Variants in KLHL1 observed in about 807,000 individuals in gnomAD.
The protein encoded by KLHL1 is kelch-like protein 1.
In KLHL1, 47 loss-of-function variants were observed where a neutral mutation model predicts 77.7. The observed-to-expected ratio is 0.60, with a 90% CI of 0.48 to 0.77. The LOEUF is 0.77. Among genes scored for constraint, KLHL1 ranks in the 30% least tolerant of loss-of-function variants. KLHL1 has a pLI of 0.00. For synonymous variants in KLHL1, 360 were observed against 325.2 expected (o/e 1.11, Z -1.15); for missense variants, 925 against 910.8 (o/e 1.02, Z -0.20).
chr13:70,005,583 C>A (rs1316683917), intron 1 of KLHL1, among the ~76,000 whole-genome samples: 1 of 151,002 alleles, frequency 6.6e-6, no homozygotes, highest in Non-Finnish European at 1.5e-5. Flanking sequence ...GATTAGAAAT[C>A]CTTATTTTAG....
chr13:69,853,786 TTTTTG>T (rs1240306699), intron 5 of KLHL1, among the ~76,000 whole-genome samples: 1 of 152,010 alleles, frequency 6.6e-6, no homozygotes, highest in Non-Finnish European at 1.5e-5. Flanking sequence ...AGGTATGTTG[TTTTTG>T]TTTTGTTTCA....
chr13:70,020,144 G>C (rs919335088), intron 1 of KLHL1, among the ~76,000 whole-genome samples: 4 of 152,018 alleles, frequency 2.6e-5, no homozygotes, highest in Non-Finnish European at 4.4e-5. Flanking sequence ...CAGGTTTTCT[G>C]TTATAGCAGC....
intron 4 of KLHL1, among the ~76,000 whole-genome samples, chr13:69,919,036 T>C (rs1199547512): frequency 6.6e-6 from 1 of 152,186 alleles, no homozygotes; most frequent in Non-Finnish European, 1.5e-5. Flanking sequence ...GTCCTGGTTG[T>C]ATGTATCTGA....
chr13:69,719,498 A>G lies in KLHL1; in HGVS notation c.1886T>C (p.Met629Thr), dbSNP rs1872944919. ...YYDPHTNKWN[M>T]CAPMCKRRGG... ...TCTCCTCTTACACATGGGAGCACAC[A>G]TGTTCCACTTATTTGTATGAGGATC... Residue 629 changes from methionine (M) to threonine (T), a missense_variant, in exon 9 of 11, where the codon ATG becomes ACG. Met to Thr is a moderately conservative substitution (Grantham distance 81, BLOSUM62 -1). Transcript: ENST00000377844. 1.2e-6 allele frequency: 2 copies of G among 1,613,458 alleles called. No homozygotes were observed. The highest frequency in any genetic ancestry group is 2.2e-5 in the East Asian group (1 of 44,848).
At position 70,016,443 on chromosome 13, in the gene KLHL1, T is replaced by G. The variant is rs78277216; in HGVS notation, c.498-40641A>C. On this transcript the variant is annotated intron_variant, in intron 1 of 10. Transcript: ENST00000377844. ...CCCCCTGTCCCCGTAGGCTCGTAAG[T>G]GCCTGCTCTAGCTCCCTGGCCTCTC... Among the ~76,000 whole-genome samples the G allele has an allele frequency of 0.028, 4,196 of 152,322 alleles. 426 individuals carry two copies. In the East Asian group the frequency reaches 0.36, roughly 13 times the overall value.
At chr13:69,889,100 G>A (rs1242753707) in intron 4 of KLHL1, among the ~76,000 whole-genome samples, 2 of 151,812 alleles carry the variant, frequency 1.3e-5, no homozygotes, top group Non-Finnish European at 2.9e-5. Context: ...TTCTAAAAAT[G>A]CAGAGTTGAG....
At chr13:69,819,343 T>C (rs1286476467) in intron 6 of KLHL1, among the ~76,000 whole-genome samples, 3 of 152,156 alleles carry the variant, frequency 2.0e-5, no homozygotes, top group Admixed American at 6.6e-5. Context: ...GCATGAAACA[T>C]TAAAAGACTG....
chr13:70,077,824 A>G (rs537933341), intron 1 of KLHL1, among the ~76,000 whole-genome samples: 3 of 152,086 alleles, frequency 2.0e-5, no homozygotes, highest in African/African-American at 7.2e-5. Flanking sequence ...AAAAGTTAAG[A>G]AAAATAATAT....
intron 3 of KLHL1, among the ~76,000 whole-genome samples, chr13:69,948,115 A>G (rs576922780): frequency 1.3e-5 from 2 of 152,222 alleles, no homozygotes; most frequent in South Asian, 2.1e-4. Context: ...TGAAATGTTT[A>G]TAATCTCTCT....
At position 69,839,044 on chromosome 13, in the gene KLHL1, G is replaced by C. The variant is rs753185463; in HGVS notation, c.1346C>G (p.Pro449Arg). The change falls in exon 6 of 11, where the codon CCG (proline) becomes CGG (arginine). Residue 449 changes from proline (P) to arginine (R), a missense_variant. Pro to Arg is a moderately radical substitution (Grantham distance 103, BLOSUM62 -2). Coordinates refer to ENST00000377844, the MANE Select transcript of KLHL1 (RefSeq NM_020866.3). ...LPERRTLMQS[P>R]RTKPRKSTVG... Reference sequence around the variant, plus strand: ...TGTAGATTTTCTGGGTTTAGTTCTCGGACTTTGCATTAAAGTTCTTCTTTC... The same window carrying C: ...TGTAGATTTTCTGGGTTTAGTTCTCCGACTTTGCATTAAAGTTCTTCTTTC... The C allele has an allele frequency of 1.2e-6, 2 of 1,610,888 alleles. No homozygotes were observed. Among genetic ancestry groups the C allele is most frequent in the Non-Finnish European group, 1.7e-6 (2 of 1,178,242 alleles).
intron 1 of KLHL1, among the ~76,000 whole-genome samples, chr13:70,004,417 C>A (rs539186852): frequency 6.6e-6 from 1 of 151,966 alleles, no homozygotes; most frequent in African/African-American, 2.4e-5. Flanking sequence ...TGTCCTGACC[C>A]TTTCTTTGGT....
chr13:70,061,051 A>G (rs1273486688), intron 1 of KLHL1, among the ~76,000 whole-genome samples: 1 of 152,086 alleles, frequency 6.6e-6, no homozygotes, highest in East Asian at 1.9e-4. Context: ...GGAGATAGAG[A>G]ATAGAATGCC....
intron 1 of KLHL1, among the ~76,000 whole-genome samples, chr13:70,063,961 A>C (rs527556059): frequency 9.2e-5 from 14 of 152,232 alleles, no homozygotes; most frequent in Non-Finnish European, 1.2e-4. Context: ...ATTCAAAATT[A>C]ACCAAAACAT....
intron 5 of KLHL1, among the ~76,000 whole-genome samples, chr13:69,874,390 C>T (rs996893560): frequency 1.3e-5 from 2 of 152,048 alleles, no homozygotes; most frequent in African/African-American, 4.8e-5. Flanking sequence ...ACCTTCTGGC[C>T]ATCCTTCTAC....
At chr13:69,744,088 T>TAA (rs1874101103) in intron 7 of KLHL1, among the ~76,000 whole-genome samples, 1 of 152,118 alleles carries the variant, frequency 6.6e-6, no homozygotes, top group African/African-American at 2.4e-5. Context: ...ATATGGCTTT[T>TAA]AAAGTCGTAG....
chr13:70,010,888 G>A (rs988603777), intron 1 of KLHL1, among the ~76,000 whole-genome samples: 15 of 141,192 alleles, frequency 1.1e-4, no homozygotes, highest in East Asian at 3.9e-4. Flanking sequence ...GTGAAACTCC[G>A]TCTCAAAAAA....
intron 7 of KLHL1, among the ~76,000 whole-genome samples, chr13:69,787,258 T>A (rs141139704): frequency 0.023 from 3,518 of 152,216 alleles, 134 homozygotes; most frequent in African/African-American, 0.081. Flanking sequence ...GACTTCAAAC[T>A]ATACTACAAG....
chr13:70,048,990 T>A (rs1040023276), intron 1 of KLHL1, among the ~76,000 whole-genome samples: 32 of 152,358 alleles, frequency 2.1e-4, no homozygotes, highest in African/African-American at 7.7e-4. Flanking sequence ...ATCATTGCTG[T>A]AAGTATACTT....
At chr13:70,090,831 T>C (rs1445809002) in intron 1 of KLHL1, among the ~76,000 whole-genome samples, 1 of 152,132 alleles carries the variant, frequency 6.6e-6, no homozygotes, top group African/African-American at 2.4e-5. Context: ...TTGTGACAAC[T>C]TTCTATTAAA....
Sources: gnomAD v4.1 joint callset for allele counts (sites outside exome capture counted in the v4.1 genomes callset) on GRCh38, gnomAD v4.1.1 for gene constraint, MANE v1.5 for transcripts, NCBI Gene and HGNC (gene_info 2026-07-23, HGNC 2026-07-21) for gene names.